ATE1: variants seen among roughly 807,000 people sequenced by gnomAD.
ATE1 encodes arginyltransferase 1.
Under a neutral mutation model 70.5 loss-of-function variants are expected in ATE1, and 36 were observed. The observed-to-expected ratio is 0.51, with a 90% CI of 0.39 to 0.67. The LOEUF (loss-of-function observed/expected upper bound fraction) is 0.67. Among genes scored for constraint, ATE1 ranks in the 30% least tolerant of loss-of-function variants. The pLI is 0.00. For synonymous variants in ATE1, 232 were observed against 219.3 expected (o/e 1.06, Z -0.51); for missense variants, 593 against 629.5 (o/e 0.94, Z 0.62).
chr10:121,762,927 A>G (rs993866654), intron 11 of ATE1, among the ~76,000 whole-genome samples: 15 of 152,340 alleles, frequency 9.8e-5, no homozygotes, highest in African/African-American at 3.1e-4. Context: ...CTATGATAAA[A>G]TTGATTTCAT....
intron 1 of ATE1, chr10:121,926,926 C>G (rs1181475062): frequency 1.0e-6 from 1 of 985,308 alleles, no homozygotes; most frequent in African/African-American, 1.7e-5. Context: ...ACAAGTAGCA[C>G]TTAATAAACA....
chr10:121,835,151 G>C (rs1310917308), intron 10 of ATE1, among the ~76,000 whole-genome samples: 3 of 152,130 alleles, frequency 2.0e-5, no homozygotes, highest in Admixed American at 6.6e-5. Flanking sequence ...AAGTGAATTA[G>C]TAATTCAGGC....
chr10:121,791,638 T>C (rs1946457952), intron 10 of ATE1, among the ~76,000 whole-genome samples: 3 of 152,228 alleles, frequency 2.0e-5, no homozygotes, highest in Admixed American at 2.0e-4. Flanking sequence ...AGTATAGTGT[T>C]TTTCAATTGT....
At position 121,822,362 on chromosome 10, in the gene ATE1, C is replaced by A. The variant is rs150913748; in HGVS notation, c.1257+14356G>T. ...TAGTCTGTAGTGTTAAAAGTGAGAA[C>A]AGTGGTTACCTTGGGGGATGGGACC... On this transcript the variant is annotated intron_variant, in intron 10 of 11. Coordinates refer to ENST00000224652, the MANE Select transcript of ATE1 (RefSeq NM_001001976.3). Among the ~76,000 whole-genome samples the A allele has an allele frequency of 4.2e-3, 641 of 152,200 alleles. 6 individuals are homozygous for A. Among genetic ancestry groups the A allele is most frequent in the African/African-American group, 0.015 (607 of 41,532 alleles).
intron 10 of ATE1, among the ~76,000 whole-genome samples, chr10:121,795,529 C>T (rs183929058): frequency 6.2e-3 from 943 of 152,268 alleles, no homozygotes; most frequent in South Asian, 0.016. Context: ...CACTTTTTAA[C>T]TCTTTAAATA....
chr10:121,903,118 T>C (rs11200239), intron 5 of ATE1, among the ~76,000 whole-genome samples: 19,725 of 132,162 alleles, frequency 0.15, 1,487 homozygotes, highest in Non-Finnish European at 0.2. Flanking sequence ...CTCAAACTCC[T>C]GACCTCGTGA....
At chr10:121,759,480 T>C (rs1319920175) in intron 11 of ATE1, among the ~76,000 whole-genome samples, 2 of 151,984 alleles carry the variant, frequency 1.3e-5, no homozygotes, top group Non-Finnish European at 2.9e-5. Context: ...TCCCAGCACT[T>C]TGCGGGGCTG....
intron 8 of ATE1, among the ~76,000 whole-genome samples, chr10:121,868,035 T>C (rs1590566707): frequency 6.6e-6 from 1 of 152,340 alleles, no homozygotes; most frequent in South Asian, 2.1e-4. Context: ...GCCTTTAGTG[T>C]ATGTGACCAA....
At chr10:121,839,736 A>G (rs921624407) in intron 9 of ATE1, among the ~76,000 whole-genome samples, 1 of 152,210 alleles carries the variant, frequency 6.6e-6, no homozygotes, top group African/African-American at 2.4e-5. Context: ...ATTGGCATTA[A>G]GAAAAAAGTC....
At chr10:121,754,971 A>C (rs1944734426) in intron 11 of ATE1, among the ~76,000 whole-genome samples, 1 of 152,240 alleles carries the variant, frequency 6.6e-6, no homozygotes, top group South Asian at 2.1e-4. Flanking sequence ...GATGAACACA[A>C]ATGAAAAACT....
chr10:121,876,793 C>G (rs576823051), intron 7 of ATE1, among the ~76,000 whole-genome samples: 1 of 151,896 alleles, frequency 6.6e-6, no homozygotes, highest in Non-Finnish European at 1.5e-5. Context: ...AGTGAAACCC[C>G]GTCTCTACTA....
chr10:121,815,611 G>A (rs572878577), intron 10 of ATE1, among the ~76,000 whole-genome samples: 2 of 152,308 alleles, frequency 1.3e-5, no homozygotes, highest in East Asian at 3.9e-4. Context: ...GTTCGTGGCT[G>A]CACAGGGTCA....
intron 7 of ATE1, among the ~76,000 whole-genome samples, chr10:121,874,973 T>C (rs1949988316): frequency 7.0e-6 from 1 of 143,678 alleles, no homozygotes; most frequent in African/African-American, 2.6e-5. Flanking sequence ...ACCCCATCTC[T>C]ACTAAAAGAA....
upstream of ATE1, chr10:121,928,076 G>A (rs1175678194): frequency 5.8e-6 from 7 of 1,205,904 alleles, no homozygotes; most frequent in Non-Finnish European, 6.2e-6. Flanking sequence ...TCGGGCGCCC[G>A]CAGGCCCGGC....
intron 7 of ATE1, among the ~76,000 whole-genome samples, chr10:121,881,521 A>T (rs908641943): frequency 1.3e-5 from 2 of 152,064 alleles, no homozygotes; most frequent in Admixed American, 1.3e-4. Flanking sequence ...TAGGCACTAG[A>T]GCGTGACTGT....
At chr10:121,762,510 A>T (rs887545370) in intron 11 of ATE1, among the ~76,000 whole-genome samples, 1 of 152,190 alleles carries the variant, frequency 6.6e-6, no homozygotes, top group Non-Finnish European at 1.5e-5. Context: ...ACTGTGTGGC[A>T]TCTGCCCACC....
chr10:121,788,728 A>G (rs1309460320), intron 11 of ATE1, among the ~76,000 whole-genome samples: 1 of 151,982 alleles, frequency 6.6e-6, no homozygotes. Context: ...AAATGTTTAT[A>G]CTCTTAAGAA....
In ATE1 at chr10:121,878,852, A is replaced by G. The variant is rs190737336; in HGVS notation, c.943-8814T>C. On this transcript the variant is annotated intron_variant, in intron 7 of 11. Transcript: ENST00000224652. The stretch of plus-strand genomic sequence containing the variant: ...TGTTACATTATTTTACAGACAGCAA[A>G]ATTACCATCAGAACCTCAAAACCTT... 4.0e-4 allele frequency among the ~76,000 whole-genome samples: 61 copies of G among 152,198 alleles called. 1 individual carries two copies. In the East Asian group the frequency reaches 9.1e-3, roughly 23 times the overall value.
intron 7 of ATE1, among the ~76,000 whole-genome samples, chr10:121,870,936 T>C (rs1243142701): frequency 1.3e-5 from 2 of 152,196 alleles, no homozygotes; most frequent in East Asian, 3.8e-4. Flanking sequence ...TCTTGATCTT[T>C]CTAAATGCAA....
Sources: gnomAD v4.1 joint callset for allele counts (sites outside exome capture counted in the v4.1 genomes callset) on GRCh38, gnomAD v4.1.1 for gene constraint, MANE v1.5 for transcripts, NCBI Gene and HGNC (gene_info 2026-07-23, HGNC 2026-07-21) for gene names.